The following BLM variants were observed in gnomAD, a reference collection of about 807,000 sequenced individuals.
BLM encodes BLM RecQ like helicase, also known as recQ-like DNA helicase BLM.
A neutral mutation model predicts 135.3 loss-of-function variants in BLM; 95 were observed. That is an observed-to-expected ratio of 0.70 (90% CI 0.59 to 0.83). The LOEUF (loss-of-function observed/expected upper bound fraction) is 0.83. Among genes scored for constraint, BLM ranks in the 40% least tolerant of loss-of-function variants. The pLI is 0.00. For synonymous variants in BLM, 520 were observed against 589.2 expected (o/e 0.88, Z 1.70); for missense variants, 1,518 against 1,663.9 (o/e 0.91, Z 1.53).
intron 1 of BLM, among the ~76,000 whole-genome samples, chr15:90,720,433 C>T (rs754991821): frequency 2.0e-5 from 3 of 152,120 alleles, no homozygotes; most frequent in Non-Finnish European, 4.4e-5. Context: ...AAAAATATTC[C>T]AGTCATAATC....
chr15:90,745,002 C>T (rs1895463259), intron 1 of BLM, among the ~76,000 whole-genome samples: 1 of 151,844 alleles, frequency 6.6e-6, no homozygotes, highest in African/African-American at 2.4e-5. Flanking sequence ...AGTGAGTCAC[C>T]ACTGCACTCC....
At chr15:90,744,741 A>G (rs1273889540) in intron 1 of BLM, among the ~76,000 whole-genome samples, 1 of 151,934 alleles carries the variant, frequency 6.6e-6, no homozygotes, top group Non-Finnish European at 1.5e-5. Context: ...AGGTCTTAAA[A>G]TATTCTCCAT....
chr15:90,730,731 C>T (rs978695069), intron 1 of BLM, among the ~76,000 whole-genome samples: 3 of 152,128 alleles, frequency 2.0e-5, no homozygotes, highest in Admixed American at 6.5e-5. Flanking sequence ...CAGGTATGAG[C>T]CACCATGCCC....
At chr15:90,805,895 G>A (rs913348223) in intron 19 of BLM, among the ~76,000 whole-genome samples, 3 of 151,910 alleles carry the variant, frequency 2.0e-5, no homozygotes, top group Non-Finnish European at 2.9e-5. Flanking sequence ...TGCCTGCTTT[G>A]TAGTGTTTAG....
Position 90,749,585 on chromosome 15 carries a change from C to T in BLM, c.317C>T (p.Ser106Leu), listed in dbSNP as rs1250007850. ...GAAACACAGAGAGGTGGATCAAAAT[C>T]ATTATTGCCAGATTTCTTGCAGACT... The part of the protein sequence containing the change: ...GQETQRGGSK[S>L]LLPDFLQTPK... Residue 106 changes from serine (S) to leucine (L), a missense_variant, in exon 3 of 22, where the codon TCA (serine) becomes TTA (leucine). By Grantham distance (145) the Ser-to-Leu change is moderately radical. This residue lies in a region of BLM where 724 missense variants were observed against 756.9 expected (regional missense o/e 0.96). Transcript: ENST00000355112. The T allele has an allele frequency of 6.2e-7, 1 of 1,614,102 alleles. No homozygotes were observed. Among genetic ancestry groups the T allele is most frequent in the Non-Finnish European group, 8.5e-7 (1 of 1,180,002 alleles).
At chr15:90,735,172 G>T (rs1231474421) in intron 1 of BLM, among the ~76,000 whole-genome samples, 1 of 146,484 alleles carries the variant, frequency 6.8e-6, no homozygotes, top group Non-Finnish European at 1.5e-5. Flanking sequence ...AACAAAAATA[G>T]CCTTAAACAA....
At chr15:90,760,539 G>A (rs2151157686) in intron 6 of BLM, 55 bp from the exon 7 acceptor site, 1 of 1,515,658 alleles carries the variant, frequency 6.6e-7, no homozygotes, top group Non-Finnish European at 9.0e-7. Context: ...TGCTTTTGTG[G>A]CCTACCAGAG....
At chr15:90,773,417 C>T (rs1038491153) in intron 12 of BLM, among the ~76,000 whole-genome samples, 18 of 150,214 alleles carry the variant, frequency 1.2e-4, no homozygotes, top group Admixed American at 3.5e-4. Flanking sequence ...GAGACTCCAT[C>T]TGAAAAACAA....
intron 14 of BLM, among the ~76,000 whole-genome samples, chr15:90,786,683 T>A (rs574316196): frequency 6.6e-6 from 1 of 151,968 alleles, no homozygotes; most frequent in Non-Finnish European, 1.5e-5. Flanking sequence ...TGGCGCAATC[T>A]TGGCTCACTG....
rs199567851 is a variant in BLM at position 90,757,875 on chromosome 15, A to AT, written c.1088-2264dup. ...TCTGTTGTCCTTGCTTCCTATTGCC[A>AT]TTTTTTTTCCTTTTTTTCATCTTTT... On this transcript the variant is annotated intron_variant, in intron 5 of 21. Transcript: ENST00000355112. Among the ~76,000 whole-genome samples, 115 of 146,834 alleles carry AT rather than the reference A, an allele frequency of 7.8e-4. 1 individual carries two copies. Among genetic ancestry groups the AT allele is most frequent in the African/African-American group, 2.7e-3 (109 of 39,912 alleles).
chr15:90,812,270 GC>G (rs2151200556), intron 21 of BLM, among the ~76,000 whole-genome samples: 1 of 152,228 alleles, frequency 6.6e-6, no homozygotes, highest in South Asian at 2.1e-4. Flanking sequence ...GCAAGAAGAA[GC>G]CACAACAGAG....
intron 5 of BLM, among the ~76,000 whole-genome samples, chr15:90,756,434 A>G (rs973231190): frequency 1.3e-5 from 2 of 152,196 alleles, no homozygotes; most frequent in Admixed American, 1.3e-4. Context: ...ATCCCCATTT[A>G]ACAGATAATG....
intron 5 of BLM, among the ~76,000 whole-genome samples, chr15:90,757,943 G>T (rs114916130): frequency 6.7e-6 from 1 of 149,398 alleles, no homozygotes; most frequent in Non-Finnish European, 1.5e-5. Context: ...GTGCACTGGC[G>T]CAATCTCTGC....
chr15:90,747,246 A>G, intron 1 of BLM, 143 bp from the exon 2 acceptor site: 1 of 597,604 alleles, frequency 1.7e-6, no homozygotes, highest in South Asian at 2.2e-5. Context: ...CCAAAAAAAA[A>G]AAAAAAAAAA....
chr15:90,804,179 G>C lies in BLM; in HGVS notation c.3571G>C (p.Glu1191Gln). 1 of 1,613,750 alleles carries C rather than the reference G, an allele frequency of 6.2e-7. No homozygotes were observed. The highest frequency in any genetic ancestry group is 1.1e-5 in the South Asian group (1 of 91,072). ...LNGNLKVDFM[E>Q]TENSSSVKKQ... ...CTCTCTCATAAAGGTAGACTTTATG[G>C]AAACAGAAAATTCCAGCAGTGTGAA... Residue 1191 changes from glutamate to glutamine, a missense_variant, in exon 19 of 22, where the codon GAA (glutamate) becomes CAA (glutamine). Glu to Gln is a conservative substitution (Grantham distance 29). Around this residue, in one of 5 missense-constraint regions of BLM, gnomAD observed 626 missense variants for 681.1 expected, o/e 0.92. Transcript: ENST00000355112.
chr15:90,763,240 C>A, intron 8 of BLM, 83 bp downstream of exon 8: 1 of 1,408,218 alleles, frequency 7.1e-7, no homozygotes, highest in Non-Finnish European at 1.0e-6. Flanking sequence ...AAAAGACCAC[C>A]TACACAGTAT....
intron 21 of BLM, among the ~76,000 whole-genome samples, chr15:90,811,800 GGT>G (rs28385160): frequency 0.085 from 12,865 of 152,028 alleles, 853 homozygotes; most frequent in African/African-American, 0.19. Context: ...TGGGACTCCA[GGT>G]GTATACCATC....
rs938577319 is a variant in BLM at position 90,788,315 on chromosome 15, C to T, written c.2824-2334C>T. The stretch of plus-strand genomic sequence containing the variant: ...AAGGAAGACTGGGACTGAAGAATTT[C>T]GTACCCAGCTCACTGTCATTTATGT... On this transcript the variant is annotated intron_variant, in intron 14 of 21. Coordinates refer to ENST00000355112, the MANE Select transcript of BLM (RefSeq NM_000057.4). Among the ~76,000 whole-genome samples the T allele has an allele frequency of 3.3e-5, 5 of 152,082 alleles. No individual in the cohort carries two copies. In the East Asian group the frequency reaches 9.6e-4, roughly 29 times the overall value.
intron 15 of BLM, among the ~76,000 whole-genome samples, chr15:90,791,203 G>A (rs1380982520): frequency 6.6e-6 from 1 of 152,042 alleles, no homozygotes; most frequent in Non-Finnish European, 1.5e-5. Context: ...AGATAAAAAG[G>A]AGAAAATAAT....
Sources: gnomAD v4.1 joint callset for allele counts (sites outside exome capture counted in the v4.1 genomes callset) on GRCh38, gnomAD v4.1.1 for gene constraint, gnomAD v4.1.1 regional missense constraint, MANE v1.5 for transcripts, NCBI Gene and HGNC (gene_info 2026-07-23, HGNC 2026-07-21) for gene names.